Variants in CYTH3 observed in about 807,000 individuals in gnomAD.
CYTH3 encodes cytohesin-3.
In CYTH3, 23 loss-of-function variants were observed where a neutral mutation model predicts 55.1. The observed-to-expected ratio is 0.42, with a 90% CI of 0.30 to 0.59. The LOEUF is 0.59. Among genes scored for constraint, CYTH3 ranks in the 20% least tolerant of loss-of-function variants. The pLI, the probability that CYTH3 is intolerant of heterozygous loss-of-function variation, is 0.20. For synonymous variants in CYTH3, 249 were observed against 194.9 expected (o/e 1.28, Z -2.31); for missense variants, 413 against 524.8 (o/e 0.79, Z 2.08).
chr7:6,198,789 G>A (rs1165725600), intron 1 of CYTH3, among the ~76,000 whole-genome samples: 2 of 150,316 alleles, frequency 1.3e-5, no homozygotes, highest in Admixed American at 6.6e-5. Flanking sequence ...AAAAAAAAAA[G>A]GGCAGGTTAA....
chr7:6,252,101 CAGAT>C lies in CYTH3; in HGVS notation c.34+20369_34+20372del, dbSNP rs1005101528. On this transcript the variant is annotated intron_variant, in intron 1 of 12. Transcript: ENST00000350796. The stretch of plus-strand genomic sequence containing the variant: ...ATCTTTTATAGAAATTACACTGAAA[CAGAT>C]AGGCAAATGTGGAATGTAGTTTGAT... Among the ~76,000 whole-genome samples, 81 of 152,262 alleles carry C rather than the reference CAGAT, an allele frequency of 5.3e-4. 1 individual carries two copies. The highest frequency in any genetic ancestry group is 1.9e-3 in the African/African-American group (77 of 41,560).
At chr7:6,239,468 A>G (rs1779616429) in intron 1 of CYTH3, among the ~76,000 whole-genome samples, 1 of 152,162 alleles carries the variant, frequency 6.6e-6, no homozygotes, top group Non-Finnish European at 1.5e-5. Context: ...CCAAACCTAC[A>G]TCTCCATATG....
intron 1 of CYTH3, among the ~76,000 whole-genome samples, chr7:6,266,256 G>C (rs996711038): frequency 4.1e-4 from 63 of 152,098 alleles, no homozygotes; most frequent in African/African-American, 1.5e-3. Flanking sequence ...TTCTGAAATG[G>C]AAGGCTTGGG....
At chr7:6,240,795 T>A (rs941812824) in intron 1 of CYTH3, among the ~76,000 whole-genome samples, 7 of 151,934 alleles carry the variant, frequency 4.6e-5, no homozygotes, top group Middle Eastern at 3.4e-3. Flanking sequence ...CCATTCTAAG[T>A]GTGACTCATA....
chr7:6,181,234 C>G (rs995870727), intron 4 of CYTH3, among the ~76,000 whole-genome samples: 2 of 152,134 alleles, frequency 1.3e-5, no homozygotes, highest in African/African-American at 4.8e-5. Context: ...CTTTGACATT[C>G]AAAGTTTTGC....
intron 1 of CYTH3, among the ~76,000 whole-genome samples, chr7:6,249,028 A>C (rs761056117): frequency 6.6e-6 from 1 of 151,894 alleles, no homozygotes; most frequent in African/African-American, 2.4e-5. Context: ...TTTATTTTAA[A>C]TTTTCTCTTT....
chr7:6,220,436 A>G (rs555494393), intron 1 of CYTH3, among the ~76,000 whole-genome samples: 31 of 152,234 alleles, frequency 2.0e-4, no homozygotes, highest in African/African-American at 7.5e-4. Context: ...ATGACTGAGA[A>G]TCCACAAACG....
intron 1 of CYTH3, among the ~76,000 whole-genome samples, chr7:6,250,889 C>A (rs904664027): frequency 1.3e-5 from 2 of 152,214 alleles, no homozygotes; most frequent in Non-Finnish European, 2.9e-5. Context: ...ACTGAAGGTG[C>A]ACAGTCCCTC....
intron 1 of CYTH3, among the ~76,000 whole-genome samples, chr7:6,235,392 G>A (rs113095265): frequency 3.4e-4 from 52 of 151,094 alleles, no homozygotes; most frequent in African/African-American, 1.2e-3. Flanking sequence ...CAAGAGAATC[G>A]CTTGAACCTG....
intron 1 of CYTH3, among the ~76,000 whole-genome samples, chr7:6,235,262 G>A (rs1779489853): frequency 6.6e-6 from 1 of 152,128 alleles, no homozygotes; most frequent in Admixed American, 6.5e-5. Context: ...CATCATTTGA[G>A]GTCACGAGTT....
chr7:6,173,693 G>A lies in CYTH3; in HGVS notation c.409C>T (p.Leu137Phe), dbSNP rs1783260959. 1 of 1,611,838 alleles carries A rather than the reference G, an allele frequency of 6.2e-7. No homozygotes were observed. The highest frequency in any genetic ancestry group is 1.7e-5 in the Admixed American group (1 of 60,004). Residue 137 changes from leucine to phenylalanine, a missense_variant, in exon 6 of 13, where the codon CTC (leucine) becomes TTC (phenylalanine). Transcript: ENST00000350796. ...AGGTTGAGATCAGCAAACTCATGGA[G>A]TTCAACAAAGGCTTGAAGAACTTTA... The part of the protein sequence containing the change: ...NIKVLQAFVE[L>F]HEFADLNLVQ...
At chr7:6,187,245 GC>G (rs1783678217) in intron 3 of CYTH3, 129 bp from the exon 4 acceptor site, 8 of 943,248 alleles carry the variant, frequency 8.5e-6, no homozygotes, top group African/African-American at 3.3e-5. Context: ...TCACGGAGGG[GC>G]CCCCAGTCTC....
intron 1 of CYTH3, among the ~76,000 whole-genome samples, chr7:6,232,658 T>TGCA: frequency 6.6e-6 from 1 of 152,134 alleles, no homozygotes; most frequent in East Asian, 1.9e-4. Flanking sequence ...CAGTGGTGGC[T>TGCA]GCAGCAGCAG....
At chr7:6,264,399 G>A (rs1780431352) in intron 1 of CYTH3, among the ~76,000 whole-genome samples, 1 of 152,184 alleles carries the variant, frequency 6.6e-6, no homozygotes, top group African/African-American at 2.4e-5. Context: ...ATCATTTGCG[G>A]TCAGGAGTTC....
chr7:6,239,236 G>A (rs1247260449), intron 1 of CYTH3, among the ~76,000 whole-genome samples: 1 of 152,078 alleles, frequency 6.6e-6, no homozygotes, highest in Non-Finnish European at 1.5e-5. Context: ...CTTTATATTT[G>A]TTGAGAGGGG....
At chr7:6,251,492 G>C (rs905763844) in intron 1 of CYTH3, among the ~76,000 whole-genome samples, 1 of 152,050 alleles carries the variant, frequency 6.6e-6, no homozygotes, top group Non-Finnish European at 1.5e-5. Context: ...TGTAAAATAG[G>C]AAAGGATTCT....
chr7:6,261,111 G>T (rs1780341147), intron 1 of CYTH3, among the ~76,000 whole-genome samples: 1 of 152,202 alleles, frequency 6.6e-6, no homozygotes, highest in Admixed American at 6.5e-5. Context: ...TGGAGGCCAG[G>T]ATTCCAGAGG....
At chr7:6,240,976 G>A (rs909441600) in intron 1 of CYTH3, among the ~76,000 whole-genome samples, 2 of 151,670 alleles carry the variant, frequency 1.3e-5, no homozygotes, top group Admixed American at 1.3e-4. Flanking sequence ...GCAAAAATTA[G>A]TTGGGCATGG....
intron 4 of CYTH3, among the ~76,000 whole-genome samples, chr7:6,186,795 C>A (rs1047864609): frequency 2.0e-5 from 3 of 152,182 alleles, no homozygotes; most frequent in Non-Finnish European, 4.4e-5. Flanking sequence ...CCAAGCCGTG[C>A]CTGTGAGGCT....
Sources: allele counts gnomAD v4.1 joint callset (sites outside exome capture counted in the v4.1 genomes callset), GRCh38; gene constraint gnomAD v4.1.1; transcripts MANE v1.5; gene names NCBI Gene and HGNC (gene_info 2026-07-23, HGNC 2026-07-21).